Variants in LDLRAD4 observed in about 807,000 individuals in gnomAD.
LDLRAD4 encodes the protein low-density lipoprotein receptor class A domain-containing protein 4.
A neutral mutation model predicts 17.0 loss-of-function variants in LDLRAD4; 5 were observed. The ratio of observed to expected loss-of-function variants is 0.29; its 90% CI spans 0.15 to 0.62. The LOEUF is 0.62. Ranked by LOEUF, LDLRAD4 falls within the 20% of genes least tolerant of loss-of-function variation. The pLI is 0.84. For synonymous variants in LDLRAD4, 168 were observed against 171.8 expected (o/e 0.98, Z 0.17); for missense variants, 340 against 424.7 (o/e 0.80, Z 1.75).
At chr18:13,259,529 C>T (rs1332834294) in intron 1 of LDLRAD4, among the ~76,000 whole-genome samples, 4 of 152,130 alleles carry the variant, frequency 2.6e-5, no homozygotes, top group Non-Finnish European at 5.9e-5. Context: ...CTAAAACATC[C>T]CACGTCGGTA....
At position 13,642,102 on chromosome 18, in the gene LDLRAD4, C is replaced by T. The variant is rs539537126; in HGVS notation, c.337-1257C>T. The stretch of plus-strand genomic sequence containing the variant: ...GTCACAGGCGGTCCCTGAGCCCACC[C>T]TTCGTCTCCGAGCAGCTGGACCGCC... On this transcript the variant is annotated intron_variant, in intron 4 of 5. Coordinates refer to ENST00000359446, the Ensembl canonical transcript of LDLRAD4. 2.2e-5 allele frequency: 22 copies of T among 985,562 alleles called. No homozygotes were observed. The South Asian group carries it at 1.0e-3, about 46-fold the overall frequency. 61.1% of individuals were successfully genotyped at this position (985,562 alleles called of 1,614,324 possible). A position where few individuals can be genotyped will look rare whatever the true frequency, so the allele number is the denominator to read the frequency against.
chr18:13,477,967 G>A (rs1029929286), intron 3 of LDLRAD4, among the ~76,000 whole-genome samples: 6 of 152,190 alleles, frequency 3.9e-5, no homozygotes, highest in African/African-American at 1.4e-4. Flanking sequence ...GATACCAAAG[G>A]CAGGTGCTTT....
rs998721732 is a variant in LDLRAD4 at position 13,260,210 on chromosome 18, G to A, written c.-466-17895G>A. On this transcript the variant is annotated intron_variant, in intron 1 of 5. Transcript: ENST00000399848. ...TTGCCTTGACCTCCTTATGCCCAGG[G>A]GCAGCTGAGTGCCCACTTGCCAAGG... is the stretch of plus-strand genomic sequence containing the variant. 3.9e-5 allele frequency among the ~76,000 whole-genome samples: 6 copies of A among 152,160 alleles called. No homozygotes were observed. In the East Asian group the frequency reaches 5.8e-4, roughly 15 times the overall value.
intron 2 of LDLRAD4, among the ~76,000 whole-genome samples, chr18:13,397,709 G>A (rs1006048891): frequency 1.3e-5 from 2 of 152,204 alleles, no homozygotes; most frequent in African/African-American, 2.4e-5. Flanking sequence ...ATGGGACCCA[G>A]CAGGCCCTGC....
chr18:13,572,128 C>T (rs1409141081), intron 3 of LDLRAD4, among the ~76,000 whole-genome samples: 2 of 152,176 alleles, frequency 1.3e-5, no homozygotes, highest in Admixed American at 6.5e-5. Flanking sequence ...AAGGAAACAG[C>T]GTTACCCGAG....
chr18:13,623,387 A>G (rs1288371535), intron 4 of LDLRAD4, among the ~76,000 whole-genome samples: 2 of 152,194 alleles, frequency 1.3e-5, no homozygotes, highest in South Asian at 2.1e-4. Context: ...ATGTGCACAT[A>G]CAGTGTTCCC....
chr18:13,245,563 C>CT (rs905429655), intron 1 of LDLRAD4, among the ~76,000 whole-genome samples: 1 of 152,228 alleles, frequency 6.6e-6, no homozygotes, highest in Non-Finnish European at 1.5e-5. Context: ...TCAGGGCTGG[C>CT]TCTCAGGGCC....
chr18:13,262,621 A>G (rs1199075743), intron 1 of LDLRAD4, among the ~76,000 whole-genome samples: 1,159 of 28,304 alleles, frequency 0.041, 2 homozygotes, highest in African/African-American at 0.1. Flanking sequence ...TGTGCGTGGA[A>G]ACTGAGTCCC....
chr18:13,325,490 C>T (rs983811257), intron 1 of LDLRAD4, among the ~76,000 whole-genome samples: 5 of 152,220 alleles, frequency 3.3e-5, no homozygotes, highest in Non-Finnish European at 5.9e-5. Context: ...CCTCGCTGCC[C>T]GGCCTGACTC....
intron 1 of LDLRAD4, among the ~76,000 whole-genome samples, chr18:13,323,811 A>G (rs1209369497): frequency 1.3e-5 from 2 of 152,200 alleles, no homozygotes; most frequent in African/African-American, 4.8e-5. Flanking sequence ...AAGTTCAGAG[A>G]AGGATATAAT....
intron 1 of LDLRAD4, among the ~76,000 whole-genome samples, chr18:13,248,197 G>A (rs1053243941): frequency 4.6e-5 from 7 of 152,154 alleles, no homozygotes; most frequent in Non-Finnish European, 7.3e-5. Flanking sequence ...TCCTGACCTC[G>A]TGATCCGCCT....
intron 3 of LDLRAD4, among the ~76,000 whole-genome samples, chr18:13,499,761 G>GT (rs1381504975): frequency 2.1e-4 from 32 of 152,208 alleles, no homozygotes; most frequent in Admixed American, 7.8e-4. Context: ...ACGTCCAGCC[G>GT]TGGACACTGG....
intron 2 of LDLRAD4, among the ~76,000 whole-genome samples, chr18:13,391,739 T>C (rs2086290131): frequency 6.6e-6 from 1 of 152,248 alleles, no homozygotes; most frequent in African/African-American, 2.4e-5. Context: ...GGCAACATTT[T>C]AGTTTACATC....
At chr18:13,501,828 T>G (rs1487203381) in intron 3 of LDLRAD4, among the ~76,000 whole-genome samples, 2 of 152,204 alleles carry the variant, frequency 1.3e-5, no homozygotes, top group African/African-American at 4.8e-5. Context: ...CATTCTGTAA[T>G]AACAGAGCTT....
chr18:13,643,849 A>G (rs1318912973), intron 5 of LDLRAD4, among the ~76,000 whole-genome samples: 2 of 152,028 alleles, frequency 1.3e-5, no homozygotes, highest in South Asian at 2.1e-4. Context: ...ATATGTGTGT[A>G]TATTAAATGC....
chr18:13,433,185 A>G (rs1254162211), intron 2 of LDLRAD4, among the ~76,000 whole-genome samples: 1 of 152,242 alleles, frequency 6.6e-6, no homozygotes, highest in Non-Finnish European at 1.5e-5. Context: ...CTTACACGTC[A>G]CTGGCAGCTA....
chr18:13,600,081 AGCTGAAACTATAG>A (rs1485240935), intron 3 of LDLRAD4, among the ~76,000 whole-genome samples: 1 of 152,246 alleles, frequency 6.6e-6, no homozygotes, highest in Non-Finnish European at 1.5e-5. Context: ...CCTCCCAGGT[AGCTGAAACTATAG>A]GCACATACCA....
intron 3 of LDLRAD4, among the ~76,000 whole-genome samples, chr18:13,523,914 C>G (rs1391590577): frequency 2.6e-5 from 4 of 152,204 alleles, no homozygotes; most frequent in Non-Finnish European, 5.9e-5. Flanking sequence ...GGGTGAGGAT[C>G]AGGCCACAGT....
intron 3 of LDLRAD4, among the ~76,000 whole-genome samples, chr18:13,495,861 C>T (rs192941090): frequency 7.9e-5 from 12 of 152,318 alleles, no homozygotes; most frequent in Middle Eastern, 3.4e-3. Context: ...GTTCAGAGAG[C>T]GCGAAGACCT....
Sources: allele counts gnomAD v4.1 joint callset (sites outside exome capture counted in the v4.1 genomes callset), GRCh38; gene constraint gnomAD v4.1.1; transcripts MANE v1.5; gene names NCBI Gene and HGNC (gene_info 2026-07-23, HGNC 2026-07-21).